ALS2CL: variants seen among roughly 807,000 people sequenced by gnomAD.
ALS2CL encodes the protein ALS2 C-terminal like.
ALS2CL carries 112 observed loss-of-function variants against 127.9 expected under a neutral mutation model. The ratio of observed to expected loss-of-function variants is 0.88; its 90% CI spans 0.75 to 1.02. The LOEUF is 1.02. ALS2CL is among the 50% of genes least tolerant of loss of function. The pLI, the probability that ALS2CL is intolerant of heterozygous loss-of-function variation, is 0.00. For synonymous variants in ALS2CL, 519 were observed against 527.6 expected (o/e 0.98, Z 0.22); for missense variants, 1,174 against 1,236.7 (o/e 0.95, Z 0.76).
At chr3:46,673,280 C>G in intron 22 of ALS2CL, 59 bp downstream of exon 22, 1 of 1,498,238 alleles carries the variant, frequency 6.7e-7, no homozygotes, top group Non-Finnish European at 9.0e-7. Flanking sequence ...GCAAAGGGCT[C>G]CTCAAAGCCT....
intron 6 of ALS2CL, 115 bp from the exon 7 acceptor site, chr3:46,685,759 A>T: frequency 1.4e-6 from 2 of 1,410,806 alleles, no homozygotes; most frequent in Admixed American, 2.3e-5. Context: ...CCTCCAGTAG[A>T]CCTGGAGCGG....
intron 1 of ALS2CL, among the ~76,000 whole-genome samples, chr3:46,690,971 C>T (rs933873872): frequency 7.2e-5 from 11 of 152,250 alleles, no homozygotes; most frequent in Admixed American, 4.6e-4. Context: ...CCCCACCTTT[C>T]CTGCTACTGC....
In ALS2CL at chr3:46,676,734, G is replaced by A. The variant is rs201900257; in HGVS notation, c.1936C>T (p.His646Tyr). The A allele has an allele frequency of 6.2e-7, 1 of 1,613,598 alleles. No homozygotes were observed. Among genetic ancestry groups the A allele is most frequent in the African/African-American group, 1.3e-5 (1 of 74,968 alleles). ...ATACTGCCCACACTGTCCTCAGGGTGGGTCCTGGGCACCACACACAGCATC... is the reference window on the plus strand; with the variant it reads ...ATACTGCCCACACTGTCCTCAGGGTAGGTCCTGGGCACCACACACAGCATC... ...SQDYLSCERT[H>Y]PEDSVGSMED... Residue 646 changes from histidine (H) to tyrosine (Y), a missense_variant, in exon 18 of 26, where the codon CAC becomes TAC. Coordinates refer to ENST00000318962, the MANE Select transcript of ALS2CL (RefSeq NM_147129.5).
intron 13 of ALS2CL, 78 bp from the exon 14 acceptor site, chr3:46,680,619 C>T (rs543015041): frequency 6.3e-5 from 85 of 1,343,610 alleles, no homozygotes; most frequent in African/African-American, 2.0e-4. Context: ...TGGCACGGGG[C>T]GGCAGGGAGT....
chr3:46,671,598 C>T lies in ALS2CL; in HGVS notation c.2685-14G>A. On this transcript the variant is annotated splice_polypyrimidine_tract_variant and intron_variant, in intron 24 of 25. Transcript: ENST00000318962. Reference sequence around the variant, plus strand: ...AGGTGCTGAATTCTGGAGAACACCGCCCCACCAAGAGAGCGAGGGAGACAA... The same window carrying T: ...AGGTGCTGAATTCTGGAGAACACCGTCCCACCAAGAGAGCGAGGGAGACAA... The T allele has an allele frequency of 1.2e-6, 2 of 1,613,770 alleles. No homozygotes were observed. Among genetic ancestry groups the T allele is most frequent in the South Asian group, 1.1e-5 (1 of 91,026 alleles).
Position 46,681,374 on chromosome 3 carries a change from G to A in ALS2CL, c.1308C>T (p.Phe436=). The A allele has an allele frequency of 6.2e-7, 1 of 1,608,300 alleles. No homozygotes were observed. Among genetic ancestry groups the A allele is most frequent in the Non-Finnish European group, 8.5e-7 (1 of 1,175,548 alleles). Residue 436 remains phenylalanine, a synonymous_variant, in exon 13 of 26, where the codon TTC becomes TTT. Transcript: ENST00000318962. This position sits in a 1 kb window ranked among gnomAD's most constrained non-coding sequence, Gnocchi z 4.9. ...YSTDEVYKGY[F]QEGLRHGFGV... ...CAAATCCGTGCCGCAGGCCCTCCTGGAAGTAGCCCTTGTACACCTCGTCGG... is the reference window on the plus strand; with the variant it reads ...CAAATCCGTGCCGCAGGCCCTCCTGAAAGTAGCCCTTGTACACCTCGTCGG...
chr3:46,691,086 T>G (rs1700122380), intron 1 of ALS2CL, among the ~76,000 whole-genome samples: 1 of 152,170 alleles, frequency 6.6e-6, no homozygotes, highest in Admixed American at 6.5e-5. Flanking sequence ...TGTGGGCCCC[T>G]GAGGCAGACC....
chr3:46,673,280 C>T (rs1698552260), intron 22 of ALS2CL, 59 bp downstream of exon 22: 4 of 1,498,238 alleles, frequency 2.7e-6, no homozygotes, highest in Non-Finnish European at 3.6e-6. Flanking sequence ...GCAAAGGGCT[C>T]CTCAAAGCCT....
chr3:46,674,518 T>C, intron 21 of ALS2CL, 48 bp downstream of exon 21: 1 of 1,576,592 alleles, frequency 6.3e-7, no homozygotes, highest in Middle Eastern at 1.7e-4. Flanking sequence ...ACAGTCTGAG[T>C]CGAGTTTGAG....
At chr3:46,678,172 G>C (rs1201850396) in intron 16 of ALS2CL, 87 bp downstream of exon 16, 6 of 1,348,584 alleles carry the variant, frequency 4.4e-6, no homozygotes, top group Non-Finnish European at 5.8e-6. Context: ...GGTGCAAAAA[G>C]GCCCCTCTGA....
intron 24 of ALS2CL, 98 bp from the exon 25 acceptor site, chr3:46,671,682 G>C: frequency 1.3e-6 from 2 of 1,587,318 alleles, no homozygotes; most frequent in Non-Finnish European, 8.6e-7. Context: ...TGGATGGCTG[G>C]ACACCTGGGG....
chr3:46,679,273 G>A lies in ALS2CL; in HGVS notation c.1563C>T (p.Leu521=), dbSNP rs773915418. 1 of 1,588,946 alleles carries A rather than the reference G, an allele frequency of 6.3e-7. No homozygotes were observed. Among genetic ancestry groups the A allele is most frequent in the Non-Finnish European group, 8.6e-7 (1 of 1,167,214 alleles). ...QADKTVGPGI[L]LSEDDSLYEG... ...CATACAGGGAGTCGTCTTCAGAGAG[G>A]AGGATGCCCGGGCCCTTGGGGAGAG... is the stretch of plus-strand genomic sequence containing the variant. The change falls in exon 15 of 26, where the codon CTC becomes CTT. Residue 521 remains leucine, a synonymous_variant. Transcript: ENST00000318962.
intron 10 of ALS2CL, 117 bp downstream of exon 10, chr3:46,683,013 C>G: frequency 8.9e-7 from 1 of 1,125,740 alleles, no homozygotes; most frequent in Admixed American, 3.3e-5. Context: ...AATTGACTGT[C>G]CACAGAGAGT....
chr3:46,680,939 C>T (rs1699272360), intron 13 of ALS2CL: 1 of 560,546 alleles, frequency 1.8e-6, no homozygotes, highest in Admixed American at 3.1e-5. Context: ...GGCCAAGGAT[C>T]CAGGGCTTTA....
intron 2 of ALS2CL, among the ~76,000 whole-genome samples, chr3:46,688,962 G>A (rs151053347): frequency 3.5e-4 from 54 of 152,330 alleles, no homozygotes; most frequent in Middle Eastern, 3.4e-3. Context: ...TGGCGCAGTG[G>A]CTCATGCCTA....
chr3:46,674,859 T>G (rs1334083120), intron 20 of ALS2CL, 120 bp from the exon 21 acceptor site: 2 of 1,002,896 alleles, frequency 2.0e-6, no homozygotes, highest in Non-Finnish European at 2.8e-6. Context: ...TCCAGCCTCC[T>G]CCTCCCCAGA....
At chr3:46,676,026 G>C in intron 19 of ALS2CL, 1 of 1,409,494 alleles carries the variant, frequency 7.1e-7, no homozygotes, top group African/African-American at 1.4e-5. Context: ...CCAGCGCCTG[G>C]TTGGGTCTTG....
rs1698669096 is a variant in ALS2CL at position 46,674,689 on chromosome 3, T to C, written c.2306A>G (p.Tyr769Cys). ...LVLPLMLPSF[Y>C]SELFTLYLLL... ...CAGGTAGAGCGTGAAGAGCTCTGAG[T>C]AGAAGCTGGGCAGCATGAGGGGCAG... Residue 769 changes from tyrosine (Y) to cysteine (C), a missense_variant, in exon 21 of 26, where the codon TAC becomes TGC. Tyr to Cys is a radical substitution (Grantham distance 194). Coordinates refer to ENST00000318962, the MANE Select transcript of ALS2CL (RefSeq NM_147129.5). 1 of 1,613,972 alleles carries C rather than the reference T, an allele frequency of 6.2e-7. No homozygotes were observed. Among genetic ancestry groups the C allele is most frequent in the Non-Finnish European group, 8.5e-7 (1 of 1,179,974 alleles).
intron 4 of ALS2CL, 128 bp downstream of exon 4, chr3:46,687,491 G>T: frequency 9.2e-7 from 1 of 1,091,682 alleles, no homozygotes; most frequent in Non-Finnish European, 1.3e-6. Context: ...GATTTGTAGA[G>T]CCAGGAGTCC....
Sources: gnomAD v4.1 joint callset for allele counts (sites outside exome capture counted in the v4.1 genomes callset) on GRCh38, gnomAD v4.1.1 for gene constraint, Gnocchi (gnomAD v3.1) non-coding constraint, MANE v1.5 for transcripts, NCBI Gene and HGNC (gene_info 2026-07-23, HGNC 2026-07-21) for gene names.